Variants in NIN observed in about 807,000 individuals in gnomAD.
NIN encodes the protein ninein, also known as glycogen synthase kinase 3 beta-interacting protein.
In NIN, 137 loss-of-function variants were observed where a neutral mutation model predicts 257.6. That is an observed-to-expected ratio of 0.53 (90% CI 0.46 to 0.61). NIN has a LOEUF of 0.61. Among genes scored for constraint, NIN ranks in the 20% least tolerant of loss-of-function variants. The probability of loss-of-function intolerance (pLI) is 0.00; values close to 1 mark genes in which losing one functional copy is unlikely to be tolerated. For synonymous variants in NIN, 918 were observed against 919.8 expected (o/e 1.00, Z 0.04); for missense variants, 2,439 against 2,501.2 (o/e 0.98, Z 0.53).
chr14:50,737,291 A>AC (rs1330399240), intron 27 of NIN, among the ~76,000 whole-genome samples: 1 of 152,074 alleles, frequency 6.6e-6, no homozygotes, highest in Non-Finnish European at 1.5e-5. Flanking sequence ...CCAGCAAGGA[A>AC]CAGCAGCCTC....
intron 18 of NIN, among the ~76,000 whole-genome samples, chr14:50,755,696 A>C (rs1426047154): frequency 8.3e-6 from 1 of 120,866 alleles, no homozygotes; most frequent in East Asian, 2.4e-4. Flanking sequence ...ACAGGGTCTC[A>C]CTCTGTCACC....
At position 50,738,385 on chromosome 14, in the gene NIN, T is replaced by A. The variant is rs1401625738; in HGVS notation, c.5629-99A>T. The A allele has an allele frequency of 7.2e-6, 7 of 968,064 alleles. No individual in the cohort carries two copies. In the African/African-American group the frequency reaches 1.0e-4, roughly 14 times the overall value. The allele number at this position is 968,064 out of a possible 1,614,324, so 60.0% of individuals were successfully genotyped here. A position where few individuals can be genotyped will look rare whatever the true frequency, so the allele number is the denominator to read the frequency against. On this transcript the variant is annotated intron_variant, in intron 26 of 30. Coordinates refer to ENST00000530997, the MANE Select transcript of NIN (RefSeq NM_020921.4). Reference sequence around the variant, plus strand: ...AAGTTTTAATTCAGTACTTGGGTCCTGTTTAACATCCTTTTTCAATCAAGC... The same window carrying A: ...AAGTTTTAATTCAGTACTTGGGTCCAGTTTAACATCCTTTTTCAATCAAGC...
At chr14:50,805,198 G>A (rs1301283690) in intron 4 of NIN, among the ~76,000 whole-genome samples, 1 of 152,026 alleles carries the variant, frequency 6.6e-6, no homozygotes, top group Non-Finnish European at 1.5e-5. Flanking sequence ...TATCTACCCT[G>A]GCGGTGATGT....
chr14:50,741,258 T>C (rs376647025), intron 25 of NIN, among the ~76,000 whole-genome samples: 182 of 152,336 alleles, frequency 1.2e-3, no homozygotes, highest in African/African-American at 4.0e-3. Flanking sequence ...GTCTTCTGAC[T>C]TGCTCAATAC....
At chr14:50,829,289 G>C (rs1381734662) in intron 2 of NIN, among the ~76,000 whole-genome samples, 1 of 152,164 alleles carries the variant, frequency 6.6e-6, no homozygotes, top group Non-Finnish European at 1.5e-5. Context: ...TCCGGAGCAA[G>C]AGCCACCAAT....
At chr14:50,816,846 A>G (rs894744241) in intron 3 of NIN, among the ~76,000 whole-genome samples, 1 of 152,212 alleles carries the variant, frequency 6.6e-6, no homozygotes, top group African/African-American at 2.4e-5. Context: ...TTCTAAGTCC[A>G]GGCCTTCCCA....
intron 2 of NIN, among the ~76,000 whole-genome samples, 169 bp from the exon 3 acceptor site, chr14:50,822,246 A>G (rs2045258204): frequency 6.6e-6 from 1 of 152,218 alleles, no homozygotes; most frequent in Non-Finnish European, 1.5e-5. Flanking sequence ...CTGTAGGACC[A>G]GCCCTGGCCA....
At chr14:50,743,393 T>A (rs762509320) in intron 24 of NIN, 23 bp downstream of exon 24, 2 of 1,422,994 alleles carry the variant, frequency 1.4e-6, no homozygotes, top group East Asian at 2.3e-5. Context: ...ACCGTGAAGA[T>A]GAAACAAGAA....
Position 50,720,900 on chromosome 14 carries a change from C to T in NIN, c.*2563G>A, listed in dbSNP as rs1595680038. ...CGATCTTAAATAATTGTTCTTAAAT[C>T]AAAAAGTTTGAAAATCAGTGCTTTT... is the stretch of plus-strand genomic sequence containing the variant. On this transcript the variant is annotated 3_prime_UTR_variant, in exon 31 of 31. Transcript: ENST00000530997. 1 of 197,320 alleles carries T rather than the reference C, an allele frequency of 5.1e-6. No individual in the cohort carries two copies. Among genetic ancestry groups the T allele is most frequent in the East Asian group, 8.0e-5 (1 of 12,566 alleles). 12.2% of individuals were successfully genotyped at this position (197,320 alleles called of 1,614,324 possible).
chr14:50,795,834 C>A (rs2043814109), intron 4 of NIN, among the ~76,000 whole-genome samples: 1 of 151,626 alleles, frequency 6.6e-6, no homozygotes, highest in African/African-American at 2.4e-5. Context: ...CAAAAATTAG[C>A]CAGGCGTGGC....
At chr14:50,792,927 A>C in intron 4 of NIN, 46 bp from the exon 5 acceptor site, 72 of 1,583,098 alleles carry the variant, frequency 4.5e-5, no homozygotes, top group Non-Finnish European at 5.6e-5. Context: ...TGAGAATCTC[A>C]GTTCTTAGCT....
rs1040503748 is a variant in NIN at position 50,730,560 on chromosome 14, T to C, written c.5878-837A>G. Among the ~76,000 whole-genome samples, 9 of 150,222 alleles carry C rather than the reference T, an allele frequency of 6.0e-5. 1 individual carries two copies. Among genetic ancestry groups the C allele is most frequent in the African/African-American group, 2.0e-4 (8 of 40,658 alleles). On this transcript the variant is annotated intron_variant, in intron 28 of 30. Transcript: ENST00000530997. ...AAGACTCGGCTATAACTAAATGTTGTCATGAAATGTCAGAGCCACTATCCA... is the reference window on the plus strand; with the variant it reads ...AAGACTCGGCTATAACTAAATGTTGCCATGAAATGTCAGAGCCACTATCCA...
chr14:50,800,813 G>A lies in NIN; in HGVS notation c.265+5924C>T, dbSNP rs189066155. Among the ~76,000 whole-genome samples, 217 of 148,222 alleles carry A rather than the reference G, an allele frequency of 1.5e-3. 1 individual carries two copies. Among genetic ancestry groups the A allele is most frequent in the African/African-American group, 4.7e-3 (189 of 40,142 alleles). ...TTTTTTTTTTTTGAGACGGAGTTTCGCTCTGGTTGCCCAAGCTGGAGTGCA... is the reference window on the plus strand; with the variant it reads ...TTTTTTTTTTTTGAGACGGAGTTTCACTCTGGTTGCCCAAGCTGGAGTGCA... On this transcript the variant is annotated intron_variant, in intron 4 of 30. Transcript: ENST00000530997.
intron 17 of NIN, among the ~76,000 whole-genome samples, chr14:50,759,389 TCACATCAAA>T (rs2042174241): frequency 6.6e-6 from 1 of 152,176 alleles, no homozygotes; most frequent in Non-Finnish European, 1.5e-5. Context: ...CAAGGTAGGT[TCACATCAAA>T]ATAATGGCAA....
At chr14:50,748,577 T>C (rs2041655575) in intron 21 of NIN, among the ~76,000 whole-genome samples, 1 of 152,120 alleles carries the variant, frequency 6.6e-6, no homozygotes, top group Non-Finnish European at 1.5e-5. Context: ...AAAACCCCAT[T>C]GTCTCAGCCC....
rs1401620258 is a variant in NIN at position 50,754,591 on chromosome 14, T to C, written c.4706A>G (p.Gln1569Arg). ...ETVKQENAAVQKMVENLKKQI... is the reference protein window; with the variant it reads ...ETVKQENAAVRKMVENLKKQI... ...TTTCTTTAAATTTTCAACCATCTTC[T>C]GAACTGCAGCATTTTCTTGTTTTAC... is the stretch of plus-strand genomic sequence containing the variant. Residue 1569 changes from glutamine (Q) to arginine (R), a missense_variant, in exon 20 of 31, where the codon CAG (glutamine) becomes CGG (arginine). By Grantham distance (43) the Gln-to-Arg change is conservative. This residue lies in a region of NIN where 2,043 missense variants were observed against 2,050.2 expected (regional missense o/e 1.00). Coordinates refer to ENST00000530997, the MANE Select transcript of NIN (RefSeq NM_020921.4). The C allele has an allele frequency of 6.2e-7, 1 of 1,610,474 alleles. No homozygotes were observed. Among genetic ancestry groups the C allele is most frequent in the Non-Finnish European group, 8.5e-7 (1 of 1,178,686 alleles).
chr14:50,788,361 T>C (rs951574761), intron 5 of NIN, among the ~76,000 whole-genome samples: 1 of 152,194 alleles, frequency 6.6e-6, no homozygotes, highest in Non-Finnish European at 1.5e-5. Context: ...TTACATTAAA[T>C]ATAAATTTAG....
intron 22 of NIN, among the ~76,000 whole-genome samples, chr14:50,745,258 C>T (rs1420577005): frequency 6.6e-6 from 1 of 152,122 alleles, no homozygotes; most frequent in Non-Finnish European, 1.5e-5. Flanking sequence ...GCGTCTCTGG[C>T]TTTACTCAAA....
chr14:50,764,919 A>G (rs1810569726), intron 14 of NIN, among the ~76,000 whole-genome samples: 1 of 152,096 alleles, frequency 6.6e-6, no homozygotes, highest in African/African-American at 2.4e-5. Flanking sequence ...ATACAATAAA[A>G]GACTGAATTT....
Sources: allele counts gnomAD v4.1 joint callset (sites outside exome capture counted in the v4.1 genomes callset), GRCh38; gene constraint gnomAD v4.1.1; regional missense constraint gnomAD v4.1.1; transcripts MANE v1.5; gene names NCBI Gene and HGNC (gene_info 2026-07-23, HGNC 2026-07-21).